BAZ2B: variants seen among roughly 807,000 people sequenced by gnomAD.
The protein encoded by BAZ2B is bromodomain adjacent to zinc finger domain protein 2B.
Under a neutral mutation model 246.0 loss-of-function variants are expected in BAZ2B, and 91 were observed. The ratio of observed to expected loss-of-function variants is 0.37; its 90% CI spans 0.31 to 0.44. The LOEUF (loss-of-function observed/expected upper bound fraction) is 0.44. Ranked by LOEUF, BAZ2B falls within the 20% of genes least tolerant of loss-of-function variation. The probability of loss-of-function intolerance (pLI) is 1.00; values close to 1 mark genes in which losing one functional copy is unlikely to be tolerated. For synonymous variants in BAZ2B, 855 were observed against 860.0 expected (o/e 0.99, Z 0.10); for missense variants, 2,332 against 2,533.7 (o/e 0.92, Z 1.71).
At chr2:159,465,854 C>T (rs1420581195) in intron 3 of BAZ2B, among the ~76,000 whole-genome samples, 3 of 151,524 alleles carry the variant, frequency 2.0e-5, no homozygotes, top group Non-Finnish European at 4.4e-5. Flanking sequence ...GCAGAGGTTG[C>T]AGTGAGCTGA....
chr2:159,384,743 G>A (rs1015546440), intron 23 of BAZ2B, among the ~76,000 whole-genome samples: 2 of 151,948 alleles, frequency 1.3e-5, no homozygotes, highest in African/African-American at 4.8e-5. Context: ...AAGTGGCTAC[G>A]TAATTCTGTG....
intron 27 of BAZ2B, among the ~76,000 whole-genome samples, chr2:159,366,479 C>G (rs1209302835): frequency 6.6e-6 from 1 of 152,192 alleles, no homozygotes; most frequent in African/African-American, 2.4e-5. Context: ...ACACTGGTCA[C>G]TTTTCCAGCT....
rs796726600 is a variant in BAZ2B, at chr2:159,522,865, C to CA, written c.-3+32957dup. On this transcript the variant is annotated intron_variant, in intron 2 of 36. Transcript: ENST00000392783. ...TACCAAAAGCCTACTTTTACTAGTA[C>CA]AAAAAAAAAATCCTAAAACATGGTG... 6.9e-3 allele frequency among the ~76,000 whole-genome samples: 1,023 copies of CA among 148,762 alleles called. 7 individuals carry two copies. The highest frequency in any genetic ancestry group is 0.023 in the African/African-American group (943 of 40,644).
chr2:159,485,163 T>A (rs2079678031), intron 2 of BAZ2B, among the ~76,000 whole-genome samples: 1 of 152,196 alleles, frequency 6.6e-6, no homozygotes, highest in African/African-American at 2.4e-5. Context: ...GGTTTACATA[T>A]AATTATTTGT....
chr2:159,484,077 G>A lies in BAZ2B; in HGVS notation c.-2-5356C>T, dbSNP rs1183954200. 2.6e-5 allele frequency among the ~76,000 whole-genome samples: 4 copies of A among 152,154 alleles called. 1 individual carries two copies. Among genetic ancestry groups the A allele is most frequent in the African/African-American group, 9.7e-5 (4 of 41,430 alleles). On this transcript the variant is annotated intron_variant, in intron 2 of 36. Coordinates refer to ENST00000392783, the MANE Select transcript of BAZ2B (RefSeq NM_013450.4). ...TTTCGGTTGTCACAACTGGAAAAGTGCTAATGGCATTGAGTGGAGATAGAG... is the reference window on the plus strand; with the variant it reads ...TTTCGGTTGTCACAACTGGAAAAGTACTAATGGCATTGAGTGGAGATAGAG...
the BAZ2B span, among the ~76,000 whole-genome samples, chr2:159,670,984 T>C: frequency 2.0e-5 from 3 of 152,176 alleles, no homozygotes; most frequent in Non-Finnish European, 4.4e-5. Flanking sequence ...GACGAAAAAA[T>C]GTTGGCCTTC....
chr2:159,403,619 G>T (rs2065442578), intron 16 of BAZ2B, among the ~76,000 whole-genome samples: 1 of 151,984 alleles, frequency 6.6e-6, no homozygotes, highest in South Asian at 2.1e-4. Context: ...CCTATTTCAG[G>T]TCAATCTTAC....
At chr2:159,435,778 C>A (rs1462295159) in intron 8 of BAZ2B, among the ~76,000 whole-genome samples, 3 of 152,240 alleles carry the variant, frequency 2.0e-5, no homozygotes, top group Non-Finnish European at 4.4e-5. Flanking sequence ...GCGAGAGCCA[C>A]CGCACTCAGC....
chr2:159,395,489 G>T, intron 20 of BAZ2B: 1 of 229,044 alleles, frequency 4.4e-6, no homozygotes, highest in East Asian at 9.7e-5. Context: ...TGAAACTCTG[G>T]TGTGATAAAT....
the BAZ2B span, among the ~76,000 whole-genome samples, chr2:159,688,077 G>C: frequency 1.3e-5 from 2 of 152,068 alleles, no homozygotes; most frequent in East Asian, 1.9e-4. Context: ...GTCTTGATCT[G>C]TCACCCAGGC....
At chr2:159,395,031 A>G (rs899873239) in intron 20 of BAZ2B, among the ~76,000 whole-genome samples, 11 of 152,166 alleles carry the variant, frequency 7.2e-5, no homozygotes, top group African/African-American at 2.7e-4. Context: ...ATTTTCATTA[A>G]TTCTCACTTA....
intron 27 of BAZ2B, among the ~76,000 whole-genome samples, chr2:159,353,255 C>A (rs1482772728): frequency 1.3e-5 from 2 of 152,218 alleles, no homozygotes; most frequent in East Asian, 3.8e-4. Context: ...ATTTATACTT[C>A]TGACCAATAT....
rs757748408 is a variant in BAZ2B at position 159,438,634 on chromosome 2, T to A, written c.962A>T (p.Gln321Leu). 3 of 1,613,662 alleles carry A rather than the reference T, an allele frequency of 1.9e-6. No homozygotes were observed. The highest frequency in any genetic ancestry group is 2.2e-5 in the South Asian group (2 of 90,972). ...TAATGGCTGGTGTATTCTTTTTTCC[T>A]GGGCTTTTTCAGTTGCTTTCTGTCC... ...ADGQKATEKA[Q>L]EKRIHQPLPL... Residue 321 changes from glutamine to leucine, a missense_variant, in exon 8 of 37, where the codon CAG becomes CTG. Around this residue, in one of 9 missense-constraint regions of BAZ2B, gnomAD observed 161 missense variants for 225.8 expected, o/e 0.71. Transcript: ENST00000392783.
intron 1 of BAZ2B, among the ~76,000 whole-genome samples, chr2:159,587,486 C>T (rs1284882712): frequency 6.6e-6 from 1 of 152,200 alleles, no homozygotes; most frequent in African/African-American, 2.4e-5. Context: ...CTTTTTACAT[C>T]TGGACATACT....
At chr2:159,549,390 T>C (rs2087815311) in intron 2 of BAZ2B, among the ~76,000 whole-genome samples, 1 of 152,212 alleles carries the variant, frequency 6.6e-6, no homozygotes, top group South Asian at 2.1e-4. Context: ...CTCTTCTACA[T>C]TATACTTCAA....
intron 2 of BAZ2B, among the ~76,000 whole-genome samples, chr2:159,479,971 A>G (rs555632598): frequency 6.6e-6 from 1 of 152,236 alleles, no homozygotes; most frequent in Non-Finnish European, 1.5e-5. Context: ...CTTTATCAGC[A>G]TTCATCATGG....
intron 2 of BAZ2B, among the ~76,000 whole-genome samples, chr2:159,522,902 A>G (rs915716720): frequency 6.6e-6 from 1 of 152,154 alleles, no homozygotes; most frequent in African/African-American, 2.4e-5. Flanking sequence ...TAGGGTTTGG[A>G]AAGTCATCTA....
intron 2 of BAZ2B, among the ~76,000 whole-genome samples, chr2:159,551,588 C>T (rs147274569): frequency 1.4e-4 from 20 of 148,112 alleles, no homozygotes; most frequent in Non-Finnish European, 3.0e-5. Context: ...TACATATAAA[C>T]AAGACTGCAT....
chr2:159,609,119 G>C (rs1475773173), intron 1 of BAZ2B, among the ~76,000 whole-genome samples: 1 of 152,110 alleles, frequency 6.6e-6, no homozygotes, highest in East Asian at 1.9e-4. Context: ...CTCACTAAAA[G>C]CTTGAGACAC....
Sources: allele counts gnomAD v4.1 joint callset (sites outside exome capture counted in the v4.1 genomes callset), GRCh38; gene constraint gnomAD v4.1.1; regional missense constraint gnomAD v4.1.1; transcripts MANE v1.5; gene names NCBI Gene and HGNC (gene_info 2026-07-23, HGNC 2026-07-21).